ABCA12: variants seen among roughly 807,000 people sequenced by gnomAD.
ABCA12 encodes ATP binding cassette subfamily A member 12.
Under a neutral mutation model 293.5 loss-of-function variants are expected in ABCA12, and 156 were observed. That is an observed-to-expected ratio of 0.53 (90% CI 0.47 to 0.61). The LOEUF (loss-of-function observed/expected upper bound fraction) is 0.61. Ranked by LOEUF, ABCA12 falls within the 20% of genes least tolerant of loss-of-function variation. The pLI is 0.00. For synonymous variants in ABCA12, 1,063 were observed against 1,108.0 expected (o/e 0.96, Z 0.81); for missense variants, 2,797 against 3,090.2 (o/e 0.91, Z 2.25).
chr2:215,092,861 C>CA (rs1485777065), intron 2 of ABCA12, among the ~76,000 whole-genome samples: 6 of 152,156 alleles, frequency 3.9e-5, no homozygotes, highest in Non-Finnish European at 8.8e-5. Flanking sequence ...TATTCCTTTG[C>CA]ACCCTTCATC....
intron 9 of ABCA12, among the ~76,000 whole-genome samples, chr2:215,027,982 G>A (rs907082896): frequency 2.0e-5 from 3 of 152,066 alleles, no homozygotes; most frequent in African/African-American, 4.8e-5. Flanking sequence ...ATGAGTATGT[G>A]CGTATTATGT....
intron 15 of ABCA12, among the ~76,000 whole-genome samples, chr2:215,014,729 A>G (rs1700451893): frequency 6.6e-6 from 1 of 152,250 alleles, no homozygotes; most frequent in Non-Finnish European, 1.5e-5. Flanking sequence ...ATTTATAACT[A>G]GTCCAAAACA....
rs199499787 is a variant in ABCA12, at chr2:214,987,712, T to C, written c.3911A>G (p.Lys1304Arg). The change falls in exon 27 of 53, where the codon AAG (lysine) becomes AGG (arginine). Residue 1304 changes from lysine (K) to arginine (R), a missense_variant. By Grantham distance (26) the Lys-to-Arg change is conservative. Around this residue, in one of 3 missense-constraint regions of ABCA12, gnomAD observed 2,130 missense variants for 2,427.0 expected, o/e 0.88. Coordinates refer to ENST00000272895, the MANE Select transcript of ABCA12 (RefSeq NM_173076.3). ...WKERFGCAEV[K>R]PEKSNGLMFT... ...CATGAGGCCATTGCTCTTCTCAGGCTTCACCTCTGCACACCCAAATCGCTC... is the reference window on the plus strand; with the variant it reads ...CATGAGGCCATTGCTCTTCTCAGGCCTCACCTCTGCACACCCAAATCGCTC... The C allele has an allele frequency of 5.0e-6, 8 of 1,614,090 alleles. No individual in the cohort carries two copies. The highest frequency in any genetic ancestry group is 6.8e-6 in the Non-Finnish European group (8 of 1,179,990).
intron 2 of ABCA12, among the ~76,000 whole-genome samples, chr2:215,066,885 G>A (rs1701649897): frequency 6.6e-6 from 1 of 152,062 alleles, no homozygotes; most frequent in Admixed American, 6.6e-5. Flanking sequence ...TAACAACAGT[G>A]ATTTATTAAG....
Position 215,064,197 on chromosome 2 carries a change from A to C in ABCA12, c.186T>G (p.Leu62=). The part of the protein sequence containing the change: ...KPTCYLAPRN[L]PSTGFFPFLQ... ...GGAATGGAAAGAATCCAGTACTAGG[A>C]AGGTTTCGAGGTGCGAGGTAACCTA... Residue 62 remains leucine (L), a synonymous_variant, in exon 3 of 53, where the codon CTT becomes CTG. Coordinates refer to ENST00000272895, the MANE Select transcript of ABCA12 (RefSeq NM_173076.3). 2 of 1,612,728 alleles carry C rather than the reference A, an allele frequency of 1.2e-6. No individual in the cohort carries two copies. Among genetic ancestry groups the C allele is most frequent in the Non-Finnish European group, 1.7e-6 (2 of 1,179,128 alleles).
At position 215,082,043 on chromosome 2, in the gene ABCA12, CT is replaced by C. The variant is rs549072917; in HGVS notation, c.164-17825del. 3.7e-3 allele frequency among the ~76,000 whole-genome samples: 422 copies of C among 113,122 alleles called. 5 individuals are homozygous for C. The highest frequency in any genetic ancestry group is 0.014 in the African/African-American group (400 of 29,314). The allele number at this position is 113,122 out of a possible 152,430, so 74.2% of individuals were successfully genotyped here. ...ATATTATTTACTGAAATTGTTAATT[CT>C]TTTTTTTTTTTTTTTTTTGAGACAG... is the stretch of plus-strand genomic sequence containing the variant. On this transcript the variant is annotated intron_variant, in intron 2 of 52. Transcript: ENST00000272895.
At chr2:214,952,066 A>C (rs1404069419) in intron 44 of ABCA12, among the ~76,000 whole-genome samples, 3 of 152,080 alleles carry the variant, frequency 2.0e-5, no homozygotes, top group Non-Finnish European at 4.4e-5. Flanking sequence ...CCAAAAAAAA[A>C]AAAAATTTAA....
At chr2:214,975,137 G>T (rs970169289) in intron 34 of ABCA12, among the ~76,000 whole-genome samples, 1 of 152,142 alleles carries the variant, frequency 6.6e-6, no homozygotes, top group Non-Finnish European at 1.5e-5. Context: ...GCTAATTTTT[G>T]TATTTGTAGT....
intron 45 of ABCA12, among the ~76,000 whole-genome samples, chr2:214,949,584 G>C (rs1011416423): frequency 2.6e-5 from 4 of 152,104 alleles, no homozygotes; most frequent in Non-Finnish European, 5.9e-5. Context: ...TGTCAAATTT[G>C]ATGCGTGTAG....
chr2:215,011,933 C>T, intron 16 of ABCA12, 38 bp downstream of exon 16: 1 of 1,602,870 alleles, frequency 6.2e-7, no homozygotes, highest in Non-Finnish European at 8.5e-7. Context: ...TGACAGAAGG[C>T]ATTTTTCAAC....
intron 8 of ABCA12, among the ~76,000 whole-genome samples, chr2:215,034,482 G>C (rs572292528): frequency 4.6e-5 from 7 of 152,190 alleles, no homozygotes; most frequent in African/African-American, 1.7e-4. Context: ...AGTGTGGATG[G>C]GGAGCCAAGC....
intron 1 of ABCA12, among the ~76,000 whole-genome samples, chr2:215,134,509 T>TATATAC (rs1165400998): frequency 2.1e-5 from 2 of 95,494 alleles, no homozygotes; most frequent in African/African-American, 1.3e-4. Context: ...TATATGCGTA[T>TATATAC]GTATATGTGT....
At chr2:215,089,193 C>CTT (rs1398969371) in intron 2 of ABCA12, among the ~76,000 whole-genome samples, 1 of 146,692 alleles carries the variant, frequency 6.8e-6, no homozygotes. Context: ...TCAAGTTTTG[C>CTT]TTTATTTTTT....
chr2:215,024,355 A>G (rs191961738), intron 11 of ABCA12, among the ~76,000 whole-genome samples: 4 of 152,332 alleles, frequency 2.6e-5, no homozygotes, highest in Admixed American at 2.6e-4. Flanking sequence ...ATAGATTAGT[A>G]TTATGGGAGT....
At position 214,942,950 on chromosome 2, in the gene ABCA12, C is replaced by T; in HGVS notation, c.7411G>A (p.Gly2471Arg). 6.2e-7 allele frequency: 1 copy of T among 1,613,310 alleles called. No homozygotes were observed. The highest frequency in any genetic ancestry group is 8.5e-7 in the Non-Finnish European group (1 of 1,179,710). ...IMVNGKFQCI[G>R]SLQHIKSRFG... ...CTGCTCTTTATGTGCTGCAAAGATCCAATACATTGAAACTTTCCATTCACC... is the reference window on the plus strand; with the variant it reads ...CTGCTCTTTATGTGCTGCAAAGATCTAATACATTGAAACTTTCCATTCACC... Residue 2471 changes from glycine (G) to arginine (R), a missense_variant, in exon 50 of 53, where the codon GGA (glycine) becomes AGA (arginine). This residue lies in a region of ABCA12 where 2,130 missense variants were observed against 2,427.0 expected (regional missense o/e 0.88). Coordinates refer to ENST00000272895, the MANE Select transcript of ABCA12 (RefSeq NM_173076.3).
intron 26 of ABCA12, among the ~76,000 whole-genome samples, chr2:214,988,451 T>G (rs1004348172): frequency 6.6e-6 from 1 of 152,226 alleles, no homozygotes; most frequent in Admixed American, 6.5e-5. Context: ...AGGCAATCAT[T>G]GATCTGCCTT....
At chr2:214,940,614 G>T (rs1300276160) in intron 50 of ABCA12, among the ~76,000 whole-genome samples, 2 of 151,856 alleles carry the variant, frequency 1.3e-5, no homozygotes, top group Non-Finnish European at 2.9e-5. Context: ...TTGGTTGGTA[G>T]GCTGTTTGTT....
chr2:215,037,946 A>G (rs1017677436), intron 7 of ABCA12, among the ~76,000 whole-genome samples: 2 of 152,198 alleles, frequency 1.3e-5, no homozygotes, highest in African/African-American at 4.8e-5. Context: ...CAAATTAGCT[A>G]ATAGTAATTT....
chr2:215,063,736 C>T (rs1052054142), intron 3 of ABCA12, among the ~76,000 whole-genome samples: 10 of 152,034 alleles, frequency 6.6e-5, no homozygotes, highest in African/African-American at 2.4e-4. Flanking sequence ...ACACTTACGA[C>T]ATCTCATGCT....
Sources: gnomAD v4.1 joint callset for allele counts (sites outside exome capture counted in the v4.1 genomes callset) on GRCh38, gnomAD v4.1.1 for gene constraint, gnomAD v4.1.1 regional missense constraint, MANE v1.5 for transcripts, NCBI Gene and HGNC (gene_info 2026-07-23, HGNC 2026-07-21) for gene names.